Variants in SORCS3 observed in about 807,000 individuals in gnomAD.
The protein encoded by SORCS3 is sortilin related VPS10 domain containing receptor 3, also known as VPS10 domain-containing receptor SorCS3.
SORCS3 carries 57 observed loss-of-function variants against 146.3 expected under a neutral mutation model. The observed-to-expected ratio is 0.39, with a 90% confidence interval of 0.31 to 0.49. The LOEUF (loss-of-function observed/expected upper bound fraction) is 0.49, where lower values mean the gene tolerates loss of function less well. SORCS3 is among the 20% of genes least tolerant of loss of function. The pLI is 0.92. For missense variants in SORCS3, 1,341 were observed against 1,575.5 expected (o/e 0.85, Z 2.52); for synonymous variants, 653 against 618.5 (o/e 1.06, Z -0.83).
intron 4 of SORCS3, among the ~76,000 whole-genome samples, chr10:105,022,158 CA>C (rs1272066809): frequency 2.0e-5 from 3 of 151,972 alleles, no homozygotes; most frequent in Admixed American, 6.6e-5. Context: ...TATGAATGCA[CA>C]AGGCAAAAAG....
intron 3 of SORCS3, among the ~76,000 whole-genome samples, chr10:104,918,283 G>T (rs2019052969): frequency 6.6e-6 from 1 of 151,994 alleles, no homozygotes; most frequent in Non-Finnish European, 1.5e-5. Flanking sequence ...ATTTTTCCAT[G>T]CCAACAACAT....
chr10:105,135,640 G>A (rs1290498206), intron 7 of SORCS3, among the ~76,000 whole-genome samples: 1 of 151,922 alleles, frequency 6.6e-6, no homozygotes, highest in South Asian at 2.1e-4. Flanking sequence ...ACTATAAATG[G>A]TCAAAAAAAG....
intron 5 of SORCS3, among the ~76,000 whole-genome samples, chr10:105,068,148 A>C (rs981956735): frequency 1.3e-5 from 2 of 152,202 alleles, no homozygotes; most frequent in African/African-American, 4.8e-5. Context: ...TGTCCATAAC[A>C]GAACATATTG....
Position 105,263,553 on chromosome 10 carries a change from G to A in SORCS3, c.*179G>A. The A allele has an allele frequency of 1.7e-6, 1 of 598,304 alleles. No homozygotes were observed. The highest frequency in any genetic ancestry group is 2.2e-5 in the South Asian group (1 of 45,218). 37.1% of individuals were successfully genotyped at this position (598,304 alleles called of 1,614,324 possible). On this transcript the variant is annotated 3_prime_UTR_variant, in exon 27 of 27. Coordinates refer to ENST00000369701, the MANE Select transcript of SORCS3 (RefSeq NM_014978.3). The stretch of plus-strand genomic sequence containing the variant: ...AAGGGCATTCTTAGCTGATTGAAAT[G>A]AGACAAAGGGAATAAATGGCTGTAT...
chr10:104,945,813 G>T (rs535926016), intron 3 of SORCS3, among the ~76,000 whole-genome samples: 4 of 150,580 alleles, frequency 2.7e-5, no homozygotes, highest in African/African-American at 9.8e-5. Flanking sequence ...AACTGTGTTT[G>T]CTCCATCACA....
At chr10:104,793,085 A>G (rs1203950177) in intron 1 of SORCS3, among the ~76,000 whole-genome samples, 6 of 152,182 alleles carry the variant, frequency 3.9e-5, no homozygotes, top group Non-Finnish European at 5.9e-5. Context: ...TGAGAAAAAG[A>G]GATTCTTGTC....
intron 7 of SORCS3, among the ~76,000 whole-genome samples, chr10:105,129,760 C>G (rs1263974440): frequency 6.6e-6 from 1 of 152,002 alleles, no homozygotes; most frequent in Non-Finnish European, 1.5e-5. Flanking sequence ...ACTTCTTCCC[C>G]TCCATCTAAA....
chr10:105,191,012 GT>G lies in SORCS3; in HGVS notation c.2010-8985del, dbSNP rs1174314779. On this transcript the variant is annotated intron_variant, in intron 14 of 26. Transcript: ENST00000369701. ...TAAAGTGTGTAAGGAACCCTCTGTA[GT>G]TCCAGGATTGGGGCTCTCATCTGGG... Among the ~76,000 whole-genome samples, 4 of 152,306 alleles carry G rather than the reference GT, an allele frequency of 2.6e-5. No individual in the cohort carries two copies. In the East Asian group the frequency reaches 7.7e-4, roughly 29 times the overall value.
rs1192605998 is a variant in SORCS3 at position 105,251,255 on chromosome 10, G to C, written c.3106-1520G>C. On this transcript the variant is annotated intron_variant, in intron 22 of 26. Transcript: ENST00000369701. The stretch of plus-strand genomic sequence containing the variant: ...AGAGAAGAGTGGCAGAGCGAAGGGG[G>C]AAAGGCCCCTTATAAAACCATTAGC... Among the ~76,000 whole-genome samples the C allele has an allele frequency of 2.6e-5, 4 of 152,152 alleles. No homozygotes were observed. In the East Asian group the frequency reaches 7.7e-4, roughly 29 times the overall value.
chr10:105,113,573 G>A (rs1296399931), intron 7 of SORCS3, among the ~76,000 whole-genome samples: 2 of 152,058 alleles, frequency 1.3e-5, no homozygotes, highest in South Asian at 4.1e-4. Context: ...CAGTAGAAGG[G>A]TCCATAAACC....
chr10:104,998,826 C>T (rs1400647728), intron 4 of SORCS3, among the ~76,000 whole-genome samples: 1 of 152,146 alleles, frequency 6.6e-6, no homozygotes, highest in Non-Finnish European at 1.5e-5. Context: ...ACATCTGTGA[C>T]TGGCTTATCT....
intron 1 of SORCS3, among the ~76,000 whole-genome samples, chr10:104,727,634 C>T (rs757678959): frequency 2.9e-4 from 44 of 151,114 alleles, no homozygotes; most frequent in Non-Finnish European, 3.4e-4. Flanking sequence ...TAAGAATATA[C>T]GTGTGTGTGT....
intron 3 of SORCS3, among the ~76,000 whole-genome samples, chr10:104,969,633 A>G (rs2054847430): frequency 6.6e-6 from 1 of 152,320 alleles, no homozygotes; most frequent in African/African-American, 2.4e-5. Context: ...ATTTCTGATG[A>G]GAATGTCAGA....
chr10:104,671,549 TGCCCAG>T (rs1280144189), intron 1 of SORCS3, among the ~76,000 whole-genome samples: 3 of 151,592 alleles, frequency 2.0e-5, no homozygotes, highest in Non-Finnish European at 4.4e-5. Context: ...CTTACTATAT[TGCCCAG>T]GATCTTGAAC....
At chr10:105,164,182 G>C in intron 11 of SORCS3, 121 bp from the exon 12 acceptor site, 1 of 727,746 alleles carries the variant, frequency 1.4e-6, no homozygotes, top group South Asian at 1.7e-5. Context: ...AAAAGAAACT[G>C]CACAAATTAG....
chr10:104,763,564 A>G (rs2017145394), intron 1 of SORCS3, among the ~76,000 whole-genome samples: 1 of 152,210 alleles, frequency 6.6e-6, no homozygotes, highest in African/African-American at 2.4e-5. Context: ...ATAATTTGTT[A>G]TTAGTCCATC....
In SORCS3 at chr10:104,840,423, C is replaced by T. The variant is rs559383140; in HGVS notation, c.628-2369C>T. 1.1e-3 allele frequency among the ~76,000 whole-genome samples: 161 copies of T among 152,268 alleles called. 1 individual carries two copies. Among genetic ancestry groups the T allele is most frequent in the African/African-American group, 2.3e-3 (97 of 41,558 alleles). The stretch of plus-strand genomic sequence containing the variant: ...CTGTTTTTGGTGCTTCAACATTCCC[C>T]GGTTTTCCCTGCATTCCCCACCACA... On this transcript the variant is annotated intron_variant, in intron 1 of 26. Coordinates refer to ENST00000369701, the MANE Select transcript of SORCS3 (RefSeq NM_014978.3).
intron 22 of SORCS3, among the ~76,000 whole-genome samples, chr10:105,248,487 G>T (rs1019347462): frequency 6.6e-6 from 1 of 152,138 alleles, no homozygotes; most frequent in Non-Finnish European, 1.5e-5. Context: ...GCCGAGGCGG[G>T]TGTATCACCT....
At chr10:104,697,817 C>T (rs1340798102) in intron 1 of SORCS3, among the ~76,000 whole-genome samples, 2 of 152,134 alleles carry the variant, frequency 1.3e-5, no homozygotes, top group Non-Finnish European at 2.9e-5. Context: ...TTTTATGTTG[C>T]ATCCAGAACA....
Sources: gnomAD v4.1 joint callset for allele counts (sites outside exome capture counted in the v4.1 genomes callset) on GRCh38, gnomAD v4.1.1 for gene constraint, MANE v1.5 for transcripts, NCBI Gene and HGNC (gene_info 2026-07-23, HGNC 2026-07-21) for gene names.